LAT2: variants seen among roughly 807,000 people sequenced by gnomAD.
The protein encoded by LAT2 is linker for activation of T cells family member 2.
LAT2 carries 23 observed loss-of-function variants against 43.4 expected under a neutral mutation model. The observed-to-expected ratio is 0.53, with a 90% CI of 0.38 to 0.75. The LOEUF (loss-of-function observed/expected upper bound fraction) is 0.75, where lower values mean the gene tolerates loss of function less well. Ranked by LOEUF, LAT2 falls within the 30% of genes least tolerant of loss-of-function variation. LAT2 has a pLI of 0.00. For missense variants in LAT2, 284 were observed against 310.2 expected (o/e 0.92, Z 0.64); for synonymous variants, 128 against 123.2 (o/e 1.04, Z -0.26).
chr7:74,224,090 C>G lies in LAT2; in HGVS notation c.521C>G (p.Pro174Arg). Reference protein sequence around the residue: ...LSLSLALKTGPTSGLCPSASP... With the variant: ...LSLSLALKTGRTSGLCPSASP... ...CTGTCACTGGCCCTGAAGACTGGCCCCACTTCTGGTCTCTGTCCCTCTGCC... is the reference window on the plus strand; with the variant it reads ...CTGTCACTGGCCCTGAAGACTGGCCGCACTTCTGGTCTCTGTCCCTCTGCC... Residue 174 changes from proline to arginine, a missense_variant, in exon 12 of 14, where the codon CCC becomes CGC. Coordinates refer to ENST00000460943, the MANE Select transcript of LAT2 (RefSeq NM_032464.3). 1 of 1,614,144 alleles carries G rather than the reference C, an allele frequency of 6.2e-7. No individual in the cohort carries two copies. Among genetic ancestry groups the G allele is most frequent in the East Asian group, 2.2e-5 (1 of 44,884 alleles).
Position 74,220,083 on chromosome 7 carries a change from C to T in LAT2, c.227+75C>T. 1 of 1,570,142 alleles carries T rather than the reference C, an allele frequency of 6.4e-7. No individual in the cohort carries two copies. Among genetic ancestry groups the T allele is most frequent in the Non-Finnish European group, 8.7e-7 (1 of 1,149,582 alleles). On this transcript the variant is annotated intron_variant, in intron 6 of 13. Transcript: ENST00000460943. The surrounding 1 kb of genome is among the most constrained non-coding windows in gnomAD (Gnocchi z 4.5). ...CTCACCTGGTGAGCCCAGGTCAAGA[C>T]CTCCCTCCCTCCCCGAGTCCCAGAG...
chr7:74,228,576 G>A (rs1802580485), intron 13 of LAT2, among the ~76,000 whole-genome samples: 1 of 149,672 alleles, frequency 6.7e-6, no homozygotes, highest in East Asian at 2.0e-4. Flanking sequence ...ACGAGGTCAG[G>A]AGATCGAGAC....
At chr7:74,212,668 C>T (rs1172640469) in intron 1 of LAT2, among the ~76,000 whole-genome samples, 1 of 152,152 alleles carries the variant, frequency 6.6e-6, no homozygotes, top group Non-Finnish European at 1.5e-5. Flanking sequence ...CAAGTTGCTC[C>T]AACCTCACAA....
chr7:74,215,480 C>T (rs1802003495), intron 2 of LAT2, among the ~76,000 whole-genome samples: 1 of 152,094 alleles, frequency 6.6e-6, no homozygotes, highest in South Asian at 2.1e-4. Flanking sequence ...CCTCCAGGAG[C>T]CAGGGTGGGT....
In LAT2 at chr7:74,225,051, A is replaced by C. The variant is rs913413614; in HGVS notation, c.*18+291A>C. 11 of 233,088 alleles carry C rather than the reference A, an allele frequency of 4.7e-5. No homozygotes were observed. In the South Asian group the frequency reaches 6.1e-4, roughly 13 times the overall value. 14.4% of individuals were successfully genotyped at this position (233,088 alleles called of 1,614,324 possible). On this transcript the variant is annotated intron_variant, in intron 13 of 13. Transcript: ENST00000460943. ...GGCTGCGACCTTGGACCAAGTGACA[A>C]CCTCCCAGAACTTAGTTCCTCACTT...
intron 12 of LAT2, 21 bp from the exon 13 acceptor site, chr7:74,224,618 T>G (rs371880953): frequency 2.4e-4 from 376 of 1,566,542 alleles, no homozygotes; most frequent in Non-Finnish European, 3.1e-4. Flanking sequence ...CTCGATGACC[T>G]GTCTGCCCGC....
Position 74,224,179 on chromosome 7 carries a change from G to A in LAT2, c.610G>A (p.Glu204Lys), listed in dbSNP as rs550143767. The A allele has an allele frequency of 2.1e-5, 34 of 1,613,658 alleles. No homozygotes were observed. Among genetic ancestry groups the A allele is most frequent in the South Asian group, 3.3e-5 (3 of 91,090 alleles). ...QNSASIHQWR[E>K]SRKVMGQLQR... is the part of the protein sequence containing the mutation. ...CTCAGCATCCATCCATCAGTGGCGCGAGTCCAGGAAGGTCATGGGTAGGTG... is the reference window on the plus strand; with the variant it reads ...CTCAGCATCCATCCATCAGTGGCGCAAGTCCAGGAAGGTCATGGGTAGGTG... The change falls in exon 12 of 14, where the codon GAG (glutamate) becomes AAG (lysine). Residue 204 changes from glutamate (E) to lysine (K), a missense_variant. Coordinates refer to ENST00000460943, the MANE Select transcript of LAT2 (RefSeq NM_032464.3).
chr7:74,220,955 G>A lies in LAT2; in HGVS notation c.332+221G>A, dbSNP rs1802250371. Among the ~76,000 whole-genome samples, 1 of 152,182 alleles carries A rather than the reference G, an allele frequency of 6.6e-6. No individual in the cohort carries two copies. Among genetic ancestry groups the A allele is most frequent in the African/African-American group, 2.4e-5 (1 of 41,444 alleles). On this transcript the variant is annotated intron_variant, in intron 9 of 13. Coordinates refer to ENST00000460943, the MANE Select transcript of LAT2 (RefSeq NM_032464.3). This position sits in a 1 kb window ranked among gnomAD's most constrained non-coding sequence, Gnocchi z 4.5. ...GTCTCTTAGGTAACCCTGGGTTTGGGGGACTGGACTTTGCCCTGCTCTGGG... is the reference window on the plus strand; with the variant it reads ...GTCTCTTAGGTAACCCTGGGTTTGGAGGACTGGACTTTGCCCTGCTCTGGG...
intron 4 of LAT2, among the ~76,000 whole-genome samples, chr7:74,217,580 G>A (rs1584216132): frequency 6.6e-6 from 1 of 152,190 alleles, no homozygotes; most frequent in Non-Finnish European, 1.5e-5. Context: ...AAATGTGAAC[G>A]TTGTCGGAGA....
chr7:74,215,956 A>G lies in LAT2; in HGVS notation c.-20A>G, dbSNP rs1226362043. On this transcript the variant is annotated 5_prime_UTR_variant, in exon 3 of 14. Coordinates refer to ENST00000460943, the MANE Select transcript of LAT2 (RefSeq NM_032464.3). The stretch of plus-strand genomic sequence containing the variant: ...GCACCTCCCATTTCAGCATCACAAG[A>G]GGCAACACCAGGAGCCAACATGAGC... The G allele has an allele frequency of 2.5e-6, 4 of 1,612,048 alleles. No individual in the cohort carries two copies. The highest frequency in any genetic ancestry group is 3.3e-5 in the Admixed American group (2 of 60,002).
At chr7:74,211,769 T>A (rs1801745346) in intron 1 of LAT2, among the ~76,000 whole-genome samples, 1 of 152,004 alleles carries the variant, frequency 6.6e-6, no homozygotes, top group East Asian at 1.9e-4. Context: ...ATTTTTTATT[T>A]TTAGTAGAGA....
chr7:74,212,118 A>G (rs2116072332), intron 1 of LAT2, among the ~76,000 whole-genome samples: 1 of 150,444 alleles, frequency 6.6e-6, no homozygotes, highest in South Asian at 2.1e-4. Flanking sequence ...TAATTTTTTC[A>G]TTTTTTTGTA....
At chr7:74,223,628 G>T in intron 10 of LAT2, 96 bp from the exon 11 acceptor site, 1 of 1,174,268 alleles carries the variant, frequency 8.5e-7, no homozygotes, top group Non-Finnish European at 1.3e-6. Context: ...GGCGGAAGAG[G>T]TCCCCTGCAA....
At position 74,229,139 on chromosome 7, in the gene LAT2, C is replaced by T. The variant is rs1408843751; in HGVS notation, c.*214C>T. 1 of 152,260 alleles carries T rather than the reference C, an allele frequency of 6.6e-6. No individual in the cohort carries two copies. Among genetic ancestry groups the T allele is most frequent in the African/African-American group, 2.4e-5 (1 of 41,446 alleles). The allele number at this position is 152,260 out of a possible 1,614,324, so 9.4% of individuals were successfully genotyped here. ...ACTCACGGGAGCTGCAGGCCCGTCA[C>T]CAAGCCCTCTCCCGACCCAGGCTTT... On this transcript the variant is annotated 3_prime_UTR_variant, in exon 14 of 14. Coordinates refer to ENST00000460943, the MANE Select transcript of LAT2 (RefSeq NM_032464.3).
At chr7:74,210,877 T>C (rs1801709562) in intron 1 of LAT2, among the ~76,000 whole-genome samples, 1 of 151,982 alleles carries the variant, frequency 6.6e-6, no homozygotes, top group African/African-American at 2.4e-5. Flanking sequence ...CATCCAGGGC[T>C]TCAAGCCAGG....
rs371681117 is a variant in LAT2 at position 74,214,471 on chromosome 7, AAT to A, written c.-218-340_-218-339del. Among the ~76,000 whole-genome samples the A allele has an allele frequency of 4.2e-4, 14 of 32,986 alleles. 1 individual carries two copies. The highest frequency in any genetic ancestry group is 2.0e-3 in the Admixed American group (3 of 1,516). 21.6% of individuals were successfully genotyped at this position (32,986 alleles called of 152,430 possible). On this transcript the variant is annotated intron_variant, in intron 1 of 13. Transcript: ENST00000460943. ...ATATATATATGAAAATATATATATAAATATATATATATGAAAATATATATATA... is the reference window on the plus strand; with the variant it reads ...ATATATATATGAAAATATATATATAAATATATATATGAAAATATATATATA...
rs1802206910 is a variant in LAT2, at chr7:74,220,082, A to ACCTC, written c.227+85_227+88dup. ...CCTCACCTGGTGAGCCCAGGTCAAG[A>ACCTC]CCTCCCTCCCTCCCCGAGTCCCAGA... On this transcript the variant is annotated intron_variant, in intron 6 of 13. Transcript: ENST00000460943. The surrounding 1 kb of genome is among the most constrained non-coding windows in gnomAD (Gnocchi z 4.5). The ACCTC allele has an allele frequency of 6.3e-7, 1 of 1,576,036 alleles. No individual in the cohort carries two copies. Among genetic ancestry groups the ACCTC allele is most frequent in the African/African-American group, 1.4e-5 (1 of 73,506 alleles).
intron 13 of LAT2, among the ~76,000 whole-genome samples, chr7:74,227,885 A>G (rs991331972): frequency 3.3e-5 from 5 of 151,896 alleles, no homozygotes; most frequent in African/African-American, 1.2e-4. Flanking sequence ...AACAAAAACA[A>G]AAAGAAGAGG....
chr7:74,216,943 C>G (rs1802068434), intron 4 of LAT2, 79 bp downstream of exon 4: 2 of 1,207,928 alleles, frequency 1.7e-6, no homozygotes, highest in African/African-American at 1.5e-5. Flanking sequence ...TCCTAGCACC[C>G]CATCCTTCAC....
Sources: gnomAD v4.1 joint callset for allele counts (sites outside exome capture counted in the v4.1 genomes callset) on GRCh38, gnomAD v4.1.1 for gene constraint, Gnocchi (gnomAD v3.1) non-coding constraint, MANE v1.5 for transcripts, NCBI Gene and HGNC (gene_info 2026-07-23, HGNC 2026-07-21) for gene names.